Variants in RANBP6 observed in about 807,000 individuals in gnomAD.
RANBP6 encodes ran-binding protein 6.
RANBP6 carries 10 observed loss-of-function variants against 35.3 expected under a neutral mutation model. That is an observed-to-expected ratio of 0.28 (90% CI 0.17 to 0.48). The LOEUF is 0.48. Ranked by LOEUF, RANBP6 falls within the 20% of genes least tolerant of loss-of-function variation. The pLI, the probability that RANBP6 is intolerant of heterozygous loss-of-function variation, is 0.99. For synonymous variants in RANBP6, 514 were observed against 464.2 expected (o/e 1.11, Z -1.38); for missense variants, 1,392 against 1,307.7 (o/e 1.06, Z -0.99).
At position 6,012,751 on chromosome 9, in the gene RANBP6, A is replaced by C. The variant is rs1274614317; in HGVS notation, c.2857T>G (p.Ser953Ala). The C allele has an allele frequency of 6.2e-7, 1 of 1,614,184 alleles. No individual in the cohort carries two copies. The highest frequency in any genetic ancestry group is 8.5e-7 in the Non-Finnish European group (1 of 1,180,020). ...FGGDDYRSLC[S>A]EAVPLLVKVI... ...TTTACCAGAAGTGGAACAGCTTCTG[A>C]ACATAAAGAACGATAATCATCTCCA... The change falls in exon 1 of 1, where the codon TCA becomes GCA. Residue 953 changes from serine to alanine, a missense_variant. Transcript: ENST00000259569.
Position 6,014,176 on chromosome 9 carries a change from T to A in RANBP6, c.1432A>T (p.Ile478Phe), listed in dbSNP as rs1183150714. 6.2e-7 allele frequency: 1 copy of A among 1,613,596 alleles called. No individual in the cohort carries two copies. Among genetic ancestry groups the A allele is most frequent in the East Asian group, 2.2e-5 (1 of 44,892 alleles). ...SHAASALIIF[I>F]EDCPKSLLVL... ...AGCAATGATTTAGGGCAGTCTTCAATAAAAATAATAAGAGCAGAAGCTGCA... is the reference window on the plus strand; with the variant it reads ...AGCAATGATTTAGGGCAGTCTTCAAAAAAAATAATAAGAGCAGAAGCTGCA... Residue 478 changes from isoleucine (I) to phenylalanine (F), a missense_variant, in exon 1 of 1, where the codon ATT (isoleucine) becomes TTT (phenylalanine). Physicochemically the swap from Ile to Phe is conservative, Grantham distance 21 (BLOSUM62 0). Transcript: ENST00000259569.
rs1307086053 is a variant in RANBP6, at chr9:6,015,164, G to C, written c.444C>G (p.Ile148Met). ...CCCATAGAACCACATTTTTGGAGTA[G>C]ATTGAATCAATAAGAAACTTCAGAC... Reference protein sequence around the residue: ...PEGLKFLIDSIYSKNVVLWEV... With the variant: ...PEGLKFLIDSMYSKNVVLWEV... The change falls in exon 1 of 1, where the codon ATC becomes ATG. Residue 148 changes from isoleucine (I) to methionine (M), a missense_variant. Ile to Met is a conservative substitution (Grantham distance 10, BLOSUM62 1). Transcript: ENST00000259569. The C allele has an allele frequency of 2.5e-6, 4 of 1,614,128 alleles. No homozygotes were observed. The highest frequency in any genetic ancestry group is 2.5e-6 in the Non-Finnish European group (3 of 1,180,044).
At position 6,013,784 on chromosome 9, in the gene RANBP6, C is replaced by G; in HGVS notation, c.1824G>C (p.Gln608His). The change falls in exon 1 of 1, where the codon CAG becomes CAC. Residue 608 changes from glutamine to histidine, a missense_variant. Transcript: ENST00000259569. ...DLNNMEDDDP[Q>H]TSYMVSAWAR... ...CCCATGCTGAAACCATGTAAGAGGT[C>G]TGAGGGTCATCATCTTCCATATTAT... 3 of 1,613,848 alleles carry G rather than the reference C, an allele frequency of 1.9e-6. No individual in the cohort carries two copies. Among genetic ancestry groups the G allele is most frequent in the Admixed American group, 1.7e-5 (1 of 60,028 alleles).
Position 6,014,431 on chromosome 9 carries a change from T to A in RANBP6, c.1177A>T (p.Ile393Phe). 1.2e-6 allele frequency: 2 copies of A among 1,614,200 alleles called. No individual in the cohort carries two copies. Among genetic ancestry groups the A allele is most frequent in the Non-Finnish European group, 8.5e-7 (1 of 1,180,032 alleles). Residue 393 changes from isoleucine to phenylalanine, a missense_variant, in exon 1 of 1, where the codon ATT becomes TTT. Physicochemically the swap from Ile to Phe is conservative, Grantham distance 21 (BLOSUM62 0). Transcript: ENST00000259569. ...ATTTGTTGATGGCATCCTTCTCCAA[T>A]GGCAGATAAGGCCATTAATCCAGCA... is the stretch of plus-strand genomic sequence containing the variant. ...RHAGLMALSA[I>F]GEGCHQQMES...
Position 6,014,761 on chromosome 9 carries a change from G to T in RANBP6, c.847C>A (p.Gln283Lys). Reference protein sequence around the residue: ...LCGDSRLSNLQRQLALEVIVT... With the variant: ...LCGDSRLSNLKRQLALEVIVT... ...ATAACTTCGAGGGCCAGCTGGCGCT[G>T]CAGATTACTAAGCCTAGAGTCTCCA... Residue 283 changes from glutamine (Q) to lysine (K), a missense_variant, in exon 1 of 1, where the codon CAG (glutamine) becomes AAG (lysine). Coordinates refer to ENST00000259569, the MANE Select transcript of RANBP6 (RefSeq NM_012416.4). The T allele has an allele frequency of 6.2e-7, 1 of 1,614,136 alleles. No individual in the cohort carries two copies. The highest frequency in any genetic ancestry group is 8.5e-7 in the Non-Finnish European group (1 of 1,180,042).
At position 6,011,932 on chromosome 9, in the gene RANBP6, G is replaced by C. The variant is rs1396899262; in HGVS notation, c.*358C>G. 1 of 160,152 alleles carries C rather than the reference G, an allele frequency of 6.2e-6. No homozygotes were observed. The highest frequency in any genetic ancestry group is 2.4e-5 in the African/African-American group (1 of 41,702). 9.9% of individuals were successfully genotyped at this position (160,152 alleles called of 1,614,324 possible). On this transcript the variant is annotated 3_prime_UTR_variant, in exon 1 of 1. Transcript: ENST00000259569. ...TGGAAATTCTATCTTATTTTTGTGA[G>C]CTCTTAGCATATTGTGATAGCATGA...
Position 6,012,551 on chromosome 9 carries a change from C to A in RANBP6, c.3057G>T (p.Gln1019His). The A allele has an allele frequency of 6.2e-7, 1 of 1,613,578 alleles. No homozygotes were observed. The highest frequency in any genetic ancestry group is 8.5e-7 in the Non-Finnish European group (1 of 1,179,862). ...PLHEDKEEAI[Q>H]TLSFLCDLIE... Reference sequence around the variant, plus strand: ...TTAGGTCACAGAGAAAACTCAAAGTCTGAATAGCTTCCTCTTTATCTTCAT... The same window carrying A: ...TTAGGTCACAGAGAAAACTCAAAGTATGAATAGCTTCCTCTTTATCTTCAT... Residue 1019 changes from glutamine (Q) to histidine (H), a missense_variant, in exon 1 of 1, where the codon CAG (glutamine) becomes CAT (histidine). Coordinates refer to ENST00000259569, the MANE Select transcript of RANBP6 (RefSeq NM_012416.4).
chr9:6,014,617 T>A lies in RANBP6; in HGVS notation c.991A>T (p.Asn331Tyr). 1 of 1,614,204 alleles carries A rather than the reference T, an allele frequency of 6.2e-7. No homozygotes were observed. Among genetic ancestry groups the A allele is most frequent in the Non-Finnish European group, 8.5e-7 (1 of 1,180,040 alleles). Residue 331 changes from asparagine to tyrosine, a missense_variant, in exon 1 of 1, where the codon AAT becomes TAT. By Grantham distance (143) the Asn-to-Tyr change is moderately radical. Coordinates refer to ENST00000259569, the MANE Select transcript of RANBP6 (RefSeq NM_012416.4). ...VDLQDDEDWVNADEMEEDDFD... is the reference protein window; with the variant it reads ...VDLQDDEDWVYADEMEEDDFD... ...TCATCTTCTTCCATTTCATCAGCAT[T>A]TACCCAGTCCTCATCATCTTGTAGA... is the stretch of plus-strand genomic sequence containing the variant.
In RANBP6 at chr9:6,014,825, A is replaced by G. The variant is rs1449169418; in HGVS notation, c.783T>C (p.Pro261=). ...IADTVPKYLG[P]YLEDTLQLSL... is the part of the protein sequence containing the mutation. Reference sequence around the variant, plus strand: ...TCAACTGTAGAGTATCTTCTAAATAAGGACCCAAGTACTTAGGTACGGTAT... The same window carrying G: ...TCAACTGTAGAGTATCTTCTAAATAGGGACCCAAGTACTTAGGTACGGTAT... The change falls in exon 1 of 1, where the codon CCT becomes CCC. Residue 261 remains proline, a synonymous_variant. Coordinates refer to ENST00000259569, the MANE Select transcript of RANBP6 (RefSeq NM_012416.4). 1.2e-6 allele frequency: 2 copies of G among 1,614,114 alleles called. No individual in the cohort carries two copies.
Position 6,014,758 on chromosome 9 carries a change from G to A in RANBP6, c.850C>T (p.Arg284Cys), listed in dbSNP as rs764759183. Residue 284 changes from arginine to cysteine, a missense_variant, in exon 1 of 1, where the codon CGC (arginine) becomes TGC (cysteine). Coordinates refer to ENST00000259569, the MANE Select transcript of RANBP6 (RefSeq NM_012416.4). ...ACTATAACTTCGAGGGCCAGCTGGC[G>A]CTGCAGATTACTAAGCCTAGAGTCT... ...CGDSRLSNLQ[R>C]QLALEVIVTL... 2.6e-5 allele frequency: 42 copies of A among 1,613,992 alleles called. No homozygotes were observed. The highest frequency in any genetic ancestry group is 3.3e-5 in the South Asian group (3 of 91,094).
At position 6,012,956 on chromosome 9, in the gene RANBP6, C is replaced by A. The variant is rs1354149198; in HGVS notation, c.2652G>T (p.Arg884Ser). The change falls in exon 1 of 1, where the codon AGG (arginine) becomes AGT (serine). Residue 884 changes from arginine to serine, a missense_variant. Coordinates refer to ENST00000259569, the MANE Select transcript of RANBP6 (RefSeq NM_012416.4). ...ATCCCCACTGTCTGTCTGGCCATGG[C>A]CTACTTGAACAAATTAGATTTACAA... ...PLIVNLICSS[R>S]PWPDRQWGLC... 1 of 1,614,100 alleles carries A rather than the reference C, an allele frequency of 6.2e-7. No individual in the cohort carries two copies. Among genetic ancestry groups the A allele is most frequent in the East Asian group, 2.2e-5 (1 of 44,882 alleles).
In RANBP6 at chr9:6,012,703, T is replaced by C; in HGVS notation, c.2905A>G (p.Lys969Glu). The C allele has an allele frequency of 1.2e-6, 2 of 1,613,798 alleles. No individual in the cohort carries two copies. The highest frequency in any genetic ancestry group is 8.5e-7 in the Non-Finnish European group (1 of 1,179,930). Reference sequence around the variant, plus strand: ...GTAGCAATGACATTTTTTTTGGTTTTGGAATTTGCACACTTAATAACTTTT... The same window carrying C: ...GTAGCAATGACATTTTTTTTGGTTTCGGAATTTGCACACTTAATAACTTTT... ...LVKVIKCANS[K>E]TKKNVIATEN... Residue 969 changes from lysine to glutamate, a missense_variant, in exon 1 of 1, where the codon AAA becomes GAA. Coordinates refer to ENST00000259569, the MANE Select transcript of RANBP6 (RefSeq NM_012416.4).
chr9:6,014,273 T>C lies in RANBP6; in HGVS notation c.1335A>G (p.Lys445=), dbSNP rs780521968. 1.2e-6 allele frequency: 2 copies of C among 1,614,224 alleles called. No individual in the cohort carries two copies. The highest frequency in any genetic ancestry group is 1.7e-6 in the Non-Finnish European group (2 of 1,180,028). Residue 445 remains lysine (K), a synonymous_variant, in exon 1 of 1, where the codon AAA becomes AAG. Coordinates refer to ENST00000259569, the MANE Select transcript of RANBP6 (RefSeq NM_012416.4). ...ATDFAPNFQK[K]FHETVIAALL... ...GAGCTGCAATCACTGTTTCATGAAA[T>C]TTCTTTTGGAAATTAGGTGCAAAAT... is the stretch of plus-strand genomic sequence containing the variant.
At position 6,012,870 on chromosome 9, in the gene RANBP6, T is replaced by A. The variant is rs1842500133; in HGVS notation, c.2738A>T (p.Tyr913Phe). ...CSPTSFKYVEYFRWPMLLNMR... is the reference protein window; with the variant it reads ...CSPTSFKYVEFFRWPMLLNMR... ...ATTTAGTAGCATTGGCCACCGAAAA[T>A]ATTCTACATATTTAAATGAAGTTGG... The change falls in exon 1 of 1, where the codon TAT (tyrosine) becomes TTT (phenylalanine). Residue 913 changes from tyrosine (Y) to phenylalanine (F), a missense_variant. Coordinates refer to ENST00000259569, the MANE Select transcript of RANBP6 (RefSeq NM_012416.4). 1.2e-6 allele frequency: 2 copies of A among 1,613,866 alleles called. No homozygotes were observed. Among genetic ancestry groups the A allele is most frequent in the Admixed American group, 3.3e-5 (2 of 59,986 alleles).
rs1842548384 is a variant in RANBP6 at position 6,015,004 on chromosome 9, C to A, written c.604G>T (p.Ala202Ser). The change falls in exon 1 of 1, where the codon GCT becomes TCT. Residue 202 changes from alanine to serine, a missense_variant. Physicochemically the swap from Ala to Ser is moderately conservative, Grantham distance 99. Coordinates refer to ENST00000259569, the MANE Select transcript of RANBP6 (RefSeq NM_012416.4). Reference protein sequence around the residue: ...QEHPAIRTLSARAAAAFVLAN... With the variant: ...QEHPAIRTLSSRAAAAFVLAN... The stretch of plus-strand genomic sequence containing the variant: ...AGTACAAATGCAGCTGCAGCTCTAG[C>A]GGATAATGTCCTGATTGCTGGATGT... 2 of 1,614,184 alleles carry A rather than the reference C, an allele frequency of 1.2e-6. No individual in the cohort carries two copies. Among genetic ancestry groups the A allele is most frequent in the Non-Finnish European group, 1.7e-6 (2 of 1,180,024 alleles).
chr9:6,015,486 T>C lies in RANBP6; in HGVS notation c.122A>G (p.Tyr41Cys). Residue 41 changes from tyrosine to cysteine, a missense_variant, in exon 1 of 1, where the codon TAT becomes TGT. Tyr to Cys is a radical substitution (Grantham distance 194). Transcript: ENST00000259569. Reference protein sequence around the residue: ...CMVRRQAEEIYENIPGLCKTT... With the variant: ...CMVRRQAEEICENIPGLCKTT... ...CTTACACAGACCTGGGATATTTTCA[T>C]AGATTTCCTCTGCTTGCCTCCGCAC... 6 of 1,614,096 alleles carry C rather than the reference T, an allele frequency of 3.7e-6. No homozygotes were observed. The highest frequency in any genetic ancestry group is 5.1e-6 in the Non-Finnish European group (6 of 1,180,046).
Position 6,013,517 on chromosome 9 carries a change from A to T in RANBP6, c.2091T>A (p.Ala697=). ...ATACQMLVYY[A]KELREGFVEY... is the part of the protein sequence containing the mutation. ...CCACAAACCCTTCCCTTAACTCCTT[A>T]GCATAGTAAACCAACATTTGGCAAG... The change falls in exon 1 of 1, where the codon GCT becomes GCA. Residue 697 remains alanine, a synonymous_variant. Transcript: ENST00000259569. The T allele has an allele frequency of 6.2e-7, 1 of 1,614,220 alleles. No homozygotes were observed. The highest frequency in any genetic ancestry group is 8.5e-7 in the Non-Finnish European group (1 of 1,180,028).
chr9:6,015,340 G>T lies in RANBP6; in HGVS notation c.268C>A (p.Pro90Thr). 2 of 1,614,196 alleles carry T rather than the reference G, an allele frequency of 1.2e-6. No individual in the cohort carries two copies. Among genetic ancestry groups the T allele is most frequent in the Non-Finnish European group, 1.7e-6 (2 of 1,180,040 alleles). Residue 90 changes from proline (P) to threonine (T), a missense_variant, in exon 1 of 1, where the codon CCT (proline) becomes ACT (threonine). Physicochemically the swap from Pro to Thr is conservative, Grantham distance 38 (BLOSUM62 -1). Coordinates refer to ENST00000259569, the MANE Select transcript of RANBP6 (RefSeq NM_012416.4). ...TTGACATCTCTCTGAACATCAGCAG[G>T]CAGATTTGGATAAACCTCCTCAAAC... ...SGFEEVYPNL[P>T]ADVQRDVKIE...
Position 6,013,300 on chromosome 9 carries a change from C to T in RANBP6, c.2308G>A (p.Asp770Asn). 1 of 1,614,218 alleles carries T rather than the reference C, an allele frequency of 6.2e-7. No individual in the cohort carries two copies. Residue 770 changes from aspartate (D) to asparagine (N), a missense_variant, in exon 1 of 1, where the codon GAT becomes AAT. Transcript: ENST00000259569. ...PLIKAIGTEP[D>N]TDVLSEIMNS... The stretch of plus-strand genomic sequence containing the variant: ...ATTATTTCTGAGAGCACATCTGTAT[C>T]TGGTTCAGTACCAATAGCCTTGATT...
Sources: allele counts gnomAD v4.1 joint callset, GRCh38; gene constraint gnomAD v4.1.1; transcripts MANE v1.5; gene names NCBI Gene and HGNC (gene_info 2026-07-23, HGNC 2026-07-21).